RPA3: variants seen among roughly 807,000 people sequenced by gnomAD.
RPA3 encodes replication protein A3, also known as replication protein A 14 kDa subunit.
A neutral mutation model predicts 13.7 loss-of-function variants in RPA3; 24 were observed. That is an observed-to-expected ratio of 1.75 (90% CI 1.27 to 2.46). The LOEUF (loss-of-function observed/expected upper bound fraction) is 2.46. RPA3 is among the 30% of genes most tolerant of loss of function. The pLI, the probability that RPA3 is intolerant of heterozygous loss-of-function variation, is 0.00. For missense variants in RPA3, 183 were observed against 151.0 expected, an observed-to-expected ratio of 1.21 and a Z score of -1.11; for synonymous variants, 59 against 51.2, an observed-to-expected ratio of 1.15 and a Z score of -0.65.
intron 1 of RPA3, among the ~76,000 whole-genome samples, chr7:7,716,972 C>A (rs1006180068): frequency 1.3e-4 from 20 of 152,128 alleles, no homozygotes; most frequent in Non-Finnish European, 4.4e-5. Flanking sequence ...CCTCTTCTTG[C>A]CCTGAACCCG....
intron 2 of RPA3, among the ~76,000 whole-genome samples, chr7:7,713,154 T>C (rs1780809212): frequency 1.3e-5 from 2 of 151,654 alleles, no homozygotes; most frequent in African/African-American, 2.4e-5. Flanking sequence ...CTGACCAACA[T>C]GGTGAAACCC....
intron 4 of RPA3, among the ~76,000 whole-genome samples, chr7:7,666,104 A>G (rs1779446690): frequency 6.6e-6 from 1 of 152,192 alleles, no homozygotes; most frequent in African/African-American, 2.4e-5. Context: ...TGGCTGTACC[A>G]TATTACCCTT....
At chr7:7,692,735 G>C (rs761532988) in intron 2 of RPA3, among the ~76,000 whole-genome samples, 4 of 151,936 alleles carry the variant, frequency 2.6e-5, no homozygotes, top group Admixed American at 6.6e-5. Context: ...TCAGCCTCCC[G>C]AGTAGTTGGG....
chr7:7,654,092 T>C (rs1785287221), intron 4 of RPA3, among the ~76,000 whole-genome samples: 1 of 152,202 alleles, frequency 6.6e-6, no homozygotes, highest in Admixed American at 6.5e-5. Flanking sequence ...TTATCACTGC[T>C]AGGCTACCCT....
At chr7:7,651,502 C>T (rs184166426) in intron 4 of RPA3, among the ~76,000 whole-genome samples, 3 of 152,316 alleles carry the variant, frequency 2.0e-5, no homozygotes, top group Non-Finnish European at 4.4e-5. Flanking sequence ...TATTTTCCTG[C>T]CTCCTGTCCA....
Position 7,717,060 on chromosome 7 carries a change from C to CTTTTTT in RPA3, c.-1080+1449_-1080+1454dup, listed in dbSNP as rs766644906. ...TTCCTTTTTCTTTCTTTCTTTTTTT[C>CTTTTTT]TTTTTTTTTTTTTTGAGACGGAGTC... On this transcript the variant is annotated intron_variant, in intron 1 of 7. Coordinates refer to ENST00000223129, the MANE Select transcript of RPA3 (RefSeq NM_002947.5). 9.8e-3 allele frequency among the ~76,000 whole-genome samples: 1,393 copies of CTTTTTT among 141,584 alleles called. 52 individuals carry two copies. Among genetic ancestry groups the CTTTTTT allele is most frequent in the African/African-American group, 0.035 (1,336 of 37,886 alleles). 92.9% of individuals were successfully genotyped at this position (141,584 alleles called of 152,430 possible).
intron 4 of RPA3, chr7:7,673,394 C>T: frequency 8.5e-7 from 1 of 1,182,042 alleles, no homozygotes; most frequent in Non-Finnish European, 1.2e-6. Flanking sequence ...TTCAGAAAGC[C>T]TCCGGAATCT....
chr7:7,644,902 T>G (rs1274462798), intron 4 of RPA3, among the ~76,000 whole-genome samples: 1 of 152,236 alleles, frequency 6.6e-6, no homozygotes, highest in East Asian at 1.9e-4. Flanking sequence ...TGGATGTATT[T>G]CAGGAAAAGT....
At chr7:7,713,256 A>T (rs111402223) in intron 2 of RPA3, among the ~76,000 whole-genome samples, 21,493 of 151,990 alleles carry the variant, frequency 0.14, 1,889 homozygotes, top group Middle Eastern at 0.2. Context: ...AGGCAGGAGA[A>T]TCACTTGAAC....
chr7:7,649,805 G>T (rs1253278140), intron 4 of RPA3, among the ~76,000 whole-genome samples: 1 of 152,098 alleles, frequency 6.6e-6, no homozygotes, highest in African/African-American at 2.4e-5. Context: ...TATAGTATTA[G>T]GAGGTAAGGC....
chr7:7,644,392 G>C (rs1223598585), intron 4 of RPA3, among the ~76,000 whole-genome samples: 2 of 142,430 alleles, frequency 1.4e-5, no homozygotes, highest in East Asian at 4.0e-4. Flanking sequence ...TTTTAATATA[G>C]TTAAACATTT....
At chr7:7,676,776 A>G (rs1779751825) in intron 4 of RPA3, among the ~76,000 whole-genome samples, 1 of 152,192 alleles carries the variant, frequency 6.6e-6, no homozygotes. Flanking sequence ...TGGTTTAATT[A>G]GTGAAAACAT....
chr7:7,667,532 A>C (rs1779496617), intron 4 of RPA3, among the ~76,000 whole-genome samples: 1 of 152,106 alleles, frequency 6.6e-6, no homozygotes, highest in Admixed American at 6.5e-5. Flanking sequence ...TTTTCCCTAA[A>C]TGTAAGTTCA....
chr7:7,677,256 A>G (rs1273723493), intron 4 of RPA3, among the ~76,000 whole-genome samples: 18 of 152,150 alleles, frequency 1.2e-4, no homozygotes, highest in Admixed American at 9.8e-4. Context: ...GCAACATTCA[A>G]TTTCCACTCT....
rs552483478 is a variant in RPA3 at position 7,646,601 on chromosome 7, C to G, written c.-757-5426G>C. 1.2e-4 allele frequency among the ~76,000 whole-genome samples: 18 copies of G among 150,908 alleles called. No homozygotes were observed. In the South Asian group the frequency reaches 3.8e-3, roughly 32 times the overall value. On this transcript the variant is annotated intron_variant, in intron 4 of 7. Coordinates refer to ENST00000223129, the MANE Select transcript of RPA3 (RefSeq NM_002947.5). The stretch of plus-strand genomic sequence containing the variant: ...ACGTGGAACTGTGAGTCCATTAAAC[C>G]CCTTTTTCTTTATAAATTACCCAGT...
At chr7:7,710,427 A>G (rs1351049051) in intron 2 of RPA3, among the ~76,000 whole-genome samples, 3 of 152,228 alleles carry the variant, frequency 2.0e-5, no homozygotes, top group African/African-American at 7.2e-5. Context: ...GAGACATTTC[A>G]CTGAAGAGGA....
chr7:7,696,069 G>C (rs1780309743), intron 2 of RPA3, among the ~76,000 whole-genome samples: 1 of 145,326 alleles, frequency 6.9e-6, no homozygotes, highest in Non-Finnish European at 1.5e-5. Flanking sequence ...ACAGTGGTGT[G>C]ATCACAGCTC....
At chr7:7,692,852 C>T (rs1056941716) in intron 2 of RPA3, among the ~76,000 whole-genome samples, 3 of 152,156 alleles carry the variant, frequency 2.0e-5, no homozygotes, top group Non-Finnish European at 2.9e-5. Context: ...CGTGATCTGC[C>T]TGCCTCGGCT....
intron 4 of RPA3, among the ~76,000 whole-genome samples, chr7:7,684,619 T>A (rs1779995043): frequency 1.3e-5 from 2 of 152,186 alleles, no homozygotes; most frequent in Non-Finnish European, 2.9e-5. Flanking sequence ...TTAGATGTTT[T>A]TTGAAAAATC....
Sources: gnomAD v4.1 joint callset for allele counts (sites outside exome capture counted in the v4.1 genomes callset) on GRCh38, gnomAD v4.1.1 for gene constraint, MANE v1.5 for transcripts, NCBI Gene and HGNC (gene_info 2026-07-23, HGNC 2026-07-21) for gene names.